Variants in BNC2 observed in about 807,000 individuals in gnomAD.
The protein encoded by BNC2 is zinc finger protein basonuclin-2.
Under a neutral mutation model 76.3 loss-of-function variants are expected in BNC2, and 20 were observed. That is an observed-to-expected ratio of 0.26 (90% CI 0.18 to 0.38). BNC2 has a LOEUF of 0.38. Ranked by LOEUF, BNC2 falls within the 10% of genes least tolerant of loss-of-function variation. The probability of loss-of-function intolerance (pLI) is 1.00; values close to 1 mark genes in which losing one functional copy is unlikely to be tolerated. For synonymous variants in BNC2, 582 were observed against 514.8 expected, an observed-to-expected ratio of 1.13 and a Z score of -1.77; for missense variants, 1,382 against 1,399.8, an observed-to-expected ratio of 0.99 and a Z score of 0.20.
intron 5 of BNC2, among the ~76,000 whole-genome samples, chr9:16,543,994 C>A (rs533963828): frequency 2.0e-5 from 3 of 152,282 alleles, no homozygotes; most frequent in African/African-American, 7.2e-5. Context: ...ACATGTGATC[C>A]TTCTTTCCTG....
intron 1 of BNC2, among the ~76,000 whole-genome samples, chr9:16,747,818 T>C (rs1825055535): frequency 6.6e-6 from 1 of 152,228 alleles, no homozygotes; most frequent in African/African-American, 2.4e-5. Flanking sequence ...GGCTTCCTAC[T>C]TGACTTGGCA....
chr9:16,735,267 A>G (rs960061894), intron 2 of BNC2, among the ~76,000 whole-genome samples: 5 of 152,142 alleles, frequency 3.3e-5, no homozygotes, highest in African/African-American at 1.2e-4. Flanking sequence ...TAAAAAAAGA[A>G]AAGTGACTTT....
intron 1 of BNC2, among the ~76,000 whole-genome samples, chr9:16,823,537 A>C: frequency 6.6e-6 from 1 of 151,696 alleles, no homozygotes; most frequent in Non-Finnish European, 1.5e-5. Flanking sequence ...TGGGAGGCAG[A>C]GGTTGCAGTG....
intron 3 of BNC2, among the ~76,000 whole-genome samples, chr9:16,714,419 A>C (rs1823940539): frequency 6.6e-6 from 1 of 152,242 alleles, no homozygotes; most frequent in Non-Finnish European, 1.5e-5. Flanking sequence ...TGAAAGCGTT[A>C]AGTCACAGCT....
intron 1 of BNC2, among the ~76,000 whole-genome samples, chr9:16,744,809 T>C (rs10810604): frequency 0.43 from 65,233 of 152,176 alleles, 18,791 homozygotes; most frequent in Non-Finnish European, 0.64. Flanking sequence ...AGAAAAACTG[T>C]GTAAAATGTG....
At position 16,494,615 on chromosome 9, in the gene BNC2, G is replaced by A. The variant is rs561894947; in HGVS notation, c.670-57091C>T. 1.1e-4 allele frequency among the ~76,000 whole-genome samples: 17 copies of A among 152,300 alleles called. No homozygotes were observed. In the East Asian group the frequency reaches 2.9e-3, roughly 26 times the overall value. On this transcript the variant is annotated intron_variant, in intron 5 of 6. Transcript: ENST00000380672. ...TGAAGGCAAAATTTTTCAGGGAAAA[G>A]GAACAGCGAAGAAGCCAGTGTGACC... is the stretch of plus-strand genomic sequence containing the variant.
intron 1 of BNC2, among the ~76,000 whole-genome samples, chr9:16,776,395 C>A (rs1347580269): frequency 2.0e-5 from 3 of 152,276 alleles, no homozygotes; most frequent in Admixed American, 1.3e-4. Context: ...CCACCTCAGC[C>A]TCCAAAAGTG....
intron 3 of BNC2, among the ~76,000 whole-genome samples, chr9:16,663,622 T>G (rs1822179127): frequency 6.6e-6 from 1 of 152,174 alleles, no homozygotes; most frequent in Non-Finnish European, 1.5e-5. Context: ...TTTCTGTAAC[T>G]GCATTCCGGT....
chr9:16,454,801 G>C (rs144763009), intron 5 of BNC2, among the ~76,000 whole-genome samples: 1 of 152,106 alleles, frequency 6.6e-6, no homozygotes, highest in Non-Finnish European at 1.5e-5. Context: ...ATATCCAGAA[G>C]TTTTACATAA....
chr9:16,578,440 A>G (rs1343604009), intron 4 of BNC2, among the ~76,000 whole-genome samples: 1 of 152,028 alleles, frequency 6.6e-6, no homozygotes, highest in Non-Finnish European at 1.5e-5. Flanking sequence ...TTTCACGAAG[A>G]CAGCAAACTC....
intron 3 of BNC2, among the ~76,000 whole-genome samples, chr9:16,668,513 G>A (rs1430327936): frequency 1.3e-5 from 2 of 152,162 alleles, no homozygotes; most frequent in Admixed American, 6.6e-5. Flanking sequence ...ACTTAACAAC[G>A]TCAGGATGTA....
intron 4 of BNC2, among the ~76,000 whole-genome samples, chr9:16,561,622 A>T (rs1208275331): frequency 6.6e-6 from 1 of 152,194 alleles, no homozygotes; most frequent in African/African-American, 2.4e-5. Flanking sequence ...AAATAAAGGT[A>T]GATACTTGGC....
At chr9:16,539,645 GAGAGAGAGA>G (rs1563830772) in intron 5 of BNC2, among the ~76,000 whole-genome samples, 1,432 of 46,340 alleles carry the variant, frequency 0.031, 195 homozygotes, top group African/African-American at 0.11. Flanking sequence ...GAGGGAGGGA[GAGAGAGAGA>G]GAAGGGAGGG....
intron 3 of BNC2, among the ~76,000 whole-genome samples, chr9:16,614,648 A>G (rs905633085): frequency 1.4e-4 from 6 of 42,570 alleles, no homozygotes; most frequent in African/African-American, 2.5e-4. Flanking sequence ...AGCTACATGC[A>G]TGAAGTTAAA....
At chr9:16,446,459 T>A (rs551551067) in intron 5 of BNC2, among the ~76,000 whole-genome samples, 1 of 152,222 alleles carries the variant, frequency 6.6e-6, no homozygotes, top group East Asian at 1.9e-4. Context: ...CAAATATTTA[T>A]AATTTTTTTC....
chr9:16,825,235 T>C (rs530940914), intron 1 of BNC2, among the ~76,000 whole-genome samples: 18 of 152,296 alleles, frequency 1.2e-4, no homozygotes, highest in African/African-American at 4.3e-4. Context: ...AATCATTTAT[T>C]TTCTACTCAT....
chr9:16,534,467 A>G (rs768317716), intron 5 of BNC2, among the ~76,000 whole-genome samples: 1 of 152,186 alleles, frequency 6.6e-6, no homozygotes, highest in Non-Finnish European at 1.5e-5. Flanking sequence ...CTAAACTGAC[A>G]TAATATAAAA....
chr9:16,845,867 G>T (rs1055220750), intron 1 of BNC2, among the ~76,000 whole-genome samples: 1 of 150,526 alleles, frequency 6.6e-6, no homozygotes, highest in African/African-American at 2.5e-5. Context: ...CTAATTTAGT[G>T]GCCCGGGCGC....
chr9:16,870,669 G>C lies in BNC2; in HGVS notation c.-21C>G. ...ACCATCTCGGCATGCTGGTTGTCAA[G>C]TGCAGCCCCCGCCTCTTGGTCTCCT... On this transcript the variant is annotated 5_prime_UTR_variant, in exon 1 of 7. Transcript: ENST00000380672. 6.2e-7 allele frequency: 1 copy of C among 1,609,942 alleles called. No homozygotes were observed. Among genetic ancestry groups the C allele is most frequent in the Non-Finnish European group, 8.5e-7 (1 of 1,178,188 alleles).
Sources: gnomAD v4.1 joint callset for allele counts (sites outside exome capture counted in the v4.1 genomes callset) on GRCh38, gnomAD v4.1.1 for gene constraint, MANE v1.5 for transcripts, NCBI Gene and HGNC (gene_info 2026-07-23, HGNC 2026-07-21) for gene names.